MRPS27: variants seen among roughly 807,000 people sequenced by gnomAD.
MRPS27 encodes mitochondrial ribosomal protein S27, also known as small ribosomal subunit protein mS27.
In MRPS27, 43 loss-of-function variants were observed where a neutral mutation model predicts 48.9. The ratio of observed to expected loss-of-function variants is 0.88; its 90% CI spans 0.69 to 1.13. MRPS27 has a LOEUF of 1.13. Among genes scored for constraint, MRPS27 ranks in the 50% most tolerant of loss-of-function variants. The pLI, the probability that MRPS27 is intolerant of heterozygous loss-of-function variation, is 0.00. For missense variants in MRPS27, 467 were observed against 476.3 expected (o/e 0.98, Z 0.18); for synonymous variants, 188 against 171.9 (o/e 1.09, Z -0.73).
intron 4 of MRPS27, among the ~76,000 whole-genome samples, chr5:72,242,653 C>T (rs983250391): frequency 1.5e-5 from 2 of 130,198 alleles, no homozygotes; most frequent in South Asian, 2.6e-4. Flanking sequence ...GGCAACACAG[C>T]GAGACCCCGT....
intron 4 of MRPS27, among the ~76,000 whole-genome samples, chr5:72,273,544 G>A (rs1230488701): frequency 6.6e-6 from 1 of 152,092 alleles, no homozygotes; most frequent in East Asian, 1.9e-4. Context: ...GTTGCTCCTA[G>A]GCTACAAACC....
chr5:72,251,356 A>T (rs922664357), intron 4 of MRPS27, among the ~76,000 whole-genome samples: 1 of 152,230 alleles, frequency 6.6e-6, no homozygotes, highest in East Asian at 1.9e-4. Flanking sequence ...CCCAAAGCCA[A>T]CCAGCAAAGT....
At chr5:72,243,590 G>T (rs1748422844) in intron 4 of MRPS27, among the ~76,000 whole-genome samples, 1 of 152,182 alleles carries the variant, frequency 6.6e-6, no homozygotes, top group South Asian at 2.1e-4. Flanking sequence ...AAGAATTTAA[G>T]GTAATTTTAA....
At chr5:72,233,256 T>C (rs745892315) in intron 6 of MRPS27, among the ~76,000 whole-genome samples, 9 of 152,176 alleles carry the variant, frequency 5.9e-5, no homozygotes, top group Non-Finnish European at 1.2e-4. Flanking sequence ...ATAAAATATT[T>C]GTTTGCACAT....
chr5:72,310,138 T>C (rs772225381), intron 2 of MRPS27, among the ~76,000 whole-genome samples: 3 of 152,222 alleles, frequency 2.0e-5, no homozygotes, highest in Non-Finnish European at 4.4e-5. Context: ...ATATATAGTA[T>C]ATGTATATGC....
At chr5:72,254,554 G>T (rs543828476) in intron 4 of MRPS27, among the ~76,000 whole-genome samples, 1 of 152,316 alleles carries the variant, frequency 6.6e-6, no homozygotes, top group South Asian at 2.1e-4. Context: ...TTTACATGGA[G>T]GGGAAAGTCA....
intron 5 of MRPS27, among the ~76,000 whole-genome samples, chr5:72,237,063 G>A (rs1400502994): frequency 6.6e-6 from 1 of 151,902 alleles, no homozygotes; most frequent in East Asian, 1.9e-4. Context: ...GGGACTACAG[G>A]TCTCGAACTC....
intron 2 of MRPS27, among the ~76,000 whole-genome samples, chr5:72,309,940 T>C (rs1750395906): frequency 1.3e-5 from 2 of 152,206 alleles, no homozygotes; most frequent in South Asian, 4.1e-4. Flanking sequence ...TGGCACTTAA[T>C]GGACAGAAAA....
chr5:72,299,989 C>T (rs1226968047), intron 2 of MRPS27, among the ~76,000 whole-genome samples: 1 of 152,074 alleles, frequency 6.6e-6, no homozygotes, highest in Non-Finnish European at 1.5e-5. Context: ...CAAAAAAGCC[C>T]TCCCTTGCCC....
At chr5:72,223,924 A>G (rs1040819269) in intron 9 of MRPS27, 74 bp from the exon 10 acceptor site, 3 of 1,468,526 alleles carry the variant, frequency 2.0e-6, no homozygotes, top group Non-Finnish European at 2.8e-6. Flanking sequence ...AGGCTAGAGA[A>G]GGCGAAAGAA....
At chr5:72,241,203 G>C (rs910588369) in intron 4 of MRPS27, among the ~76,000 whole-genome samples, 27 of 152,182 alleles carry the variant, frequency 1.8e-4, no homozygotes, top group Non-Finnish European at 3.7e-4. Flanking sequence ...ATGTTGTTCA[G>C]GCTGGTCTCA....
At position 72,310,368 on chromosome 5, in the gene MRPS27, C is replaced by A. The variant is rs937032161; in HGVS notation, c.151+3713G>T. Among the ~76,000 whole-genome samples, 4 of 151,562 alleles carry A rather than the reference C, an allele frequency of 2.6e-5. No individual in the cohort carries two copies. In the South Asian group the frequency reaches 8.3e-4, roughly 32 times the overall value. ...AAGGGTACACAGTGAGCCTGAAACA[C>A]CTTGTTATATGAGAGAAAGTAAGTT... On this transcript the variant is annotated intron_variant, in intron 2 of 10. Transcript: ENST00000261413.
At chr5:72,267,303 CATTAAATAAGTTCAT>C (rs1212419804) in intron 4 of MRPS27, among the ~76,000 whole-genome samples, 3 of 152,092 alleles carry the variant, frequency 2.0e-5, no homozygotes, top group African/African-American at 7.2e-5. Flanking sequence ...CTTATTTGCT[CATTAAATAAGTTCAT>C]ATAACATATG....
chr5:72,230,448 A>T (rs1433362355), intron 7 of MRPS27, among the ~76,000 whole-genome samples: 1 of 152,220 alleles, frequency 6.6e-6, no homozygotes, highest in Non-Finnish European at 1.5e-5. Context: ...AACAAAGGTT[A>T]CGATTTAGTG....
chr5:72,268,737 AG>A (rs1749161146), intron 4 of MRPS27, among the ~76,000 whole-genome samples: 1 of 152,214 alleles, frequency 6.6e-6, no homozygotes, highest in Non-Finnish European at 1.5e-5. Flanking sequence ...GGAATCTTGC[AG>A]GTCTTATATG....
intron 4 of MRPS27, among the ~76,000 whole-genome samples, chr5:72,260,667 TA>T (rs779280207): frequency 2.0e-5 from 3 of 152,066 alleles, no homozygotes; most frequent in Non-Finnish European, 4.4e-5. Context: ...ACACAGAAGG[TA>T]AAATTACAAC....
intron 2 of MRPS27, among the ~76,000 whole-genome samples, chr5:72,310,049 C>G (rs1438209899): frequency 6.6e-6 from 1 of 152,126 alleles, no homozygotes; most frequent in Non-Finnish European, 1.5e-5. Context: ...ACGGGAGATA[C>G]AAATATGGAC....
rs1747722393 is a variant in MRPS27, at chr5:72,220,938, C to T, written c.1216G>A (p.Ala406Thr). ...QREQAKQEYQAQKAAKASA is the reference protein window; with the variant it reads ...QREQAKQEYQTQKAAKASA Reference sequence around the variant, plus strand: ...GCAGATGCCTTTGCTGCTTTCTGAGCCTGGTACTCCTGCTTCGCTTGCTCC... The same window carrying T: ...GCAGATGCCTTTGCTGCTTTCTGAGTCTGGTACTCCTGCTTCGCTTGCTCC... Residue 406 changes from alanine (A) to threonine (T), a missense_variant, in exon 11 of 11, where the codon GCT becomes ACT. Coordinates refer to ENST00000261413, the MANE Select transcript of MRPS27 (RefSeq NM_015084.3). 5 of 1,614,172 alleles carry T rather than the reference C, an allele frequency of 3.1e-6. No homozygotes were observed. In the East Asian group the frequency reaches 1.1e-4, roughly 36 times the overall value.
intron 4 of MRPS27, among the ~76,000 whole-genome samples, chr5:72,273,498 C>T (rs7722971): frequency 0.17 from 25,551 of 152,104 alleles, 5,564 homozygotes; most frequent in African/African-American, 0.51. Context: ...CTAAATGGTG[C>T]AGCCTACTAT....
Sources: allele counts gnomAD v4.1 joint callset (sites outside exome capture counted in the v4.1 genomes callset), GRCh38; gene constraint gnomAD v4.1.1; transcripts MANE v1.5; gene names NCBI Gene and HGNC (gene_info 2026-07-23, HGNC 2026-07-21).